Variants in EPB41 observed in about 807,000 individuals in gnomAD.
EPB41 encodes the protein erythrocyte membrane protein band 4.1.
Under a neutral mutation model 108.0 loss-of-function variants are expected in EPB41, and 65 were observed. The observed-to-expected ratio is 0.60, with a 90% CI of 0.49 to 0.74. The LOEUF is 0.74. Among genes scored for constraint, EPB41 ranks in the 30% least tolerant of loss-of-function variants. EPB41 has a pLI of 0.00. For missense variants in EPB41, 875 were observed against 1,037.0 expected (o/e 0.84, Z 2.15); for synonymous variants, 336 against 358.9 (o/e 0.94, Z 0.72).
chr1:28,924,106 G>T lies in EPB41; in HGVS notation c.-8+9338G>T, dbSNP rs1473747532. ...GGCAGTCTGTAGTGATGTCCATGTG[G>T]TTAAAAACGAGGTCTGTCAGTAAAC... On this transcript the variant is annotated intron_variant, in intron 1 of 20. Coordinates refer to ENST00000343067, the MANE Select transcript of EPB41 (RefSeq NM_001376013.1). Among the ~76,000 whole-genome samples, 5 of 152,226 alleles carry T rather than the reference G, an allele frequency of 3.3e-5. No individual in the cohort carries two copies. The South Asian group carries it at 1.0e-3, about 32-fold the overall frequency.
At chr1:29,033,471 A>G (rs1167211262) in intron 9 of EPB41, among the ~76,000 whole-genome samples, 6 of 152,180 alleles carry the variant, frequency 3.9e-5, no homozygotes, top group African/African-American at 1.4e-4. Context: ...ACCATTGCAA[A>G]AAGTTAAACT....
chr1:28,887,310 G>A lies in EPB41; in HGVS notation c.-8+100G>A. On this transcript the variant is annotated intron_variant, in intron 1 of 16. Transcript: ENST00000347529. This position sits in a 1 kb window ranked among gnomAD's most constrained non-coding sequence, Gnocchi z 4.9. The stretch of plus-strand genomic sequence containing the variant: ...CAAGGGCTCGGACCGTCCCGGGAGA[G>A]GCGAGACCAGGGTCGAAGGGTCCAG... The A allele has an allele frequency of 8.3e-7, 1 of 1,208,878 alleles. No individual in the cohort carries two copies. Among genetic ancestry groups the A allele is most frequent in the Non-Finnish European group, 1.1e-6 (1 of 950,488 alleles). The allele number at this position is 1,208,878 out of a possible 1,614,324, so 74.9% of individuals were successfully genotyped here.
At chr1:29,051,243 C>G (rs1273021985) in intron 11 of EPB41, among the ~76,000 whole-genome samples, 1 of 151,324 alleles carries the variant, frequency 6.6e-6, no homozygotes, top group Non-Finnish European at 1.5e-5. Flanking sequence ...TGACTACAGG[C>G]GCCCACCACC....
chr1:28,954,347 C>T (rs1337349077), intron 1 of EPB41, among the ~76,000 whole-genome samples: 1 of 152,162 alleles, frequency 6.6e-6, no homozygotes, highest in African/African-American at 2.4e-5. Flanking sequence ...TATTAATGCT[C>T]TTGCTTGCTG....
intron 1 of EPB41, among the ~76,000 whole-genome samples, chr1:28,894,783 T>G (rs1262779872): frequency 6.6e-6 from 1 of 152,084 alleles, no homozygotes; most frequent in Non-Finnish European, 1.5e-5. Flanking sequence ...GGGAAGGAGT[T>G]GATGAGAAGA....
At position 28,919,469 on chromosome 1, in the gene EPB41, C is replaced by CT. The variant is rs1004695782; in HGVS notation, c.-8+4713dup. ...TGCTATCCTTAAAAGTCCTTTCTTT[C>CT]TTTTTTTTTTTTGAGGCAGGGTCTT... is the stretch of plus-strand genomic sequence containing the variant. On this transcript the variant is annotated intron_variant, in intron 1 of 20. Transcript: ENST00000343067. Among the ~76,000 whole-genome samples, 617 of 146,102 alleles carry CT rather than the reference C, an allele frequency of 4.2e-3. 3 individuals carry two copies. The highest frequency in any genetic ancestry group is 0.012 in the African/African-American group (483 of 40,088).
chr1:28,973,777 C>T (rs748201837), intron 1 of EPB41, among the ~76,000 whole-genome samples: 24 of 152,158 alleles, frequency 1.6e-4, no homozygotes, highest in Non-Finnish European at 3.1e-4. Flanking sequence ...TAAGGACCCA[C>T]GTACTAGAAG....
intron 7 of EPB41, among the ~76,000 whole-genome samples, chr1:29,026,573 T>TA (rs1246752936): frequency 6.6e-6 from 1 of 152,166 alleles, no homozygotes; most frequent in Non-Finnish European, 1.5e-5. Context: ...AAATAATTGA[T>TA]ATACTGCATT....
rs921482406 is a variant in EPB41 at position 29,047,689 on chromosome 1, C to T, written c.1637-5415C>T. ...CATTCCTGATATTGGTAAGTTGTAC[C>T]TTTTTGTTTCGAATAGCCTTGGTAG... On this transcript the variant is annotated intron_variant, in intron 11 of 20. Coordinates refer to ENST00000343067, the MANE Select transcript of EPB41 (RefSeq NM_001376013.1). 5.3e-5 allele frequency among the ~76,000 whole-genome samples: 8 copies of T among 151,896 alleles called. No homozygotes were observed. The East Asian group carries it at 1.4e-3, about 26-fold the overall frequency.
chr1:29,034,309 C>T (rs957157666), intron 9 of EPB41, among the ~76,000 whole-genome samples: 8 of 152,086 alleles, frequency 5.3e-5, no homozygotes, highest in African/African-American at 1.4e-4. Flanking sequence ...CCCTCACACA[C>T]GTTAATATGA....
rs191605374 is a variant in EPB41 at position 29,018,317 on chromosome 1, C to G, written c.999C>G (p.Ile333Met). ...TAGCATTATTAGGTTCTTACACCAT[C>G]CAGTCTGAACTGGGAGACTACGACC... The part of the protein sequence containing the change: ...ATLALLGSYT[I>M]QSELGDYDPE... The change falls in exon 7 of 21, where the codon ATC becomes ATG. Residue 333 changes from isoleucine (I) to methionine (M), a missense_variant. Ile to Met is a conservative substitution (Grantham distance 10, BLOSUM62 1). This residue lies in a region of EPB41 where 353 missense variants were observed against 393.2 expected (regional missense o/e 0.90). Transcript: ENST00000343067. This position sits in a 1 kb window ranked among gnomAD's most constrained non-coding sequence, Gnocchi z 4.4. 1 of 1,614,170 alleles carries G rather than the reference C, an allele frequency of 6.2e-7. No individual in the cohort carries two copies. Among genetic ancestry groups the G allele is most frequent in the East Asian group, 2.2e-5 (1 of 44,890 alleles).
intron 5 of EPB41, 72 bp downstream of exon 5, chr1:29,011,979 G>C: frequency 6.5e-7 from 1 of 1,536,498 alleles, no homozygotes; most frequent in Non-Finnish European, 9.0e-7. Flanking sequence ...ACCATTTCTG[G>C]CTGTGAGTCA....
chr1:28,961,175 G>A (rs1335974793), intron 1 of EPB41, among the ~76,000 whole-genome samples: 1 of 151,646 alleles, frequency 6.6e-6, no homozygotes, highest in Non-Finnish European at 1.5e-5. Flanking sequence ...TGTTACATTT[G>A]ACAAACAAAC....
In EPB41 at chr1:29,080,141, C is replaced by T. The variant is rs187693163; in HGVS notation, c.2184+14983C>T. On this transcript the variant is annotated intron_variant, in intron 16 of 20. Coordinates refer to ENST00000343067, the MANE Select transcript of EPB41 (RefSeq NM_001376013.1). ...ATTTATTTATTTATTTATTTTGAGACGGACCTTCGTTCTGTAGCCCAGGCC... is the reference window on the plus strand; with the variant it reads ...ATTTATTTATTTATTTATTTTGAGATGGACCTTCGTTCTGTAGCCCAGGCC... Among the ~76,000 whole-genome samples the T allele has an allele frequency of 3.0e-3, 307 of 102,052 alleles. 1 individual carries two copies. The highest frequency in any genetic ancestry group is 9.8e-3 in the African/African-American group (277 of 28,410). The allele number at this position is 102,052 out of a possible 152,430, so 67.0% of individuals were successfully genotyped here. A position where few individuals can be genotyped will look rare whatever the true frequency, so the allele number is the denominator to read the frequency against.
intron 16 of EPB41, chr1:29,070,336 C>G: frequency 1.6e-6 from 2 of 1,228,466 alleles, no homozygotes; most frequent in Non-Finnish European, 2.0e-6. Context: ...CTTATTCTGT[C>G]TTTCTTGATC....
At chr1:29,051,634 C>T (rs1397080017) in intron 11 of EPB41, among the ~76,000 whole-genome samples, 7 of 151,994 alleles carry the variant, frequency 4.6e-5, no homozygotes, top group South Asian at 4.2e-4. Context: ...CGGTGGCTCA[C>T]GCCTGTAATC....
intron 3 of EPB41, among the ~76,000 whole-genome samples, chr1:28,993,781 C>T (rs563847167): frequency 3.3e-5 from 5 of 151,596 alleles, no homozygotes; most frequent in East Asian, 3.9e-4. Context: ...CTCAGCCTCC[C>T]GAGTAGCTGG....
intron 1 of EPB41, among the ~76,000 whole-genome samples, chr1:28,979,535 A>G (rs990240890): frequency 2.0e-5 from 3 of 151,438 alleles, no homozygotes; most frequent in African/African-American, 7.3e-5. Context: ...AACCAAATAC[A>G]CTTGTCGATA....
At chr1:28,996,529 C>CA (rs1263969273) in intron 3 of EPB41, among the ~76,000 whole-genome samples, 2 of 152,100 alleles carry the variant, frequency 1.3e-5, no homozygotes, top group South Asian at 4.2e-4. Flanking sequence ...TTTAAGTAGT[C>CA]ACGGTAACTG....
Sources: gnomAD v4.1 joint callset for allele counts (sites outside exome capture counted in the v4.1 genomes callset) on GRCh38, gnomAD v4.1.1 for gene constraint, gnomAD v4.1.1 regional missense constraint, Gnocchi (gnomAD v3.1) non-coding constraint, MANE v1.5 for transcripts, NCBI Gene and HGNC (gene_info 2026-07-23, HGNC 2026-07-21) for gene names.